The following ARFGAP3 variants were observed in gnomAD, a reference collection of about 807,000 sequenced individuals.
ARFGAP3 encodes ARF GTPase activating protein 3.
Under a neutral mutation model 75.0 loss-of-function variants are expected in ARFGAP3, and 72 were observed. The observed-to-expected ratio is 0.96, with a 90% CI of 0.79 to 1.17. The LOEUF is 1.17. Ranked by LOEUF, ARFGAP3 falls within the 50% of genes most tolerant of loss-of-function variation. ARFGAP3 has a pLI of 0.00. For missense variants in ARFGAP3, 620 were observed against 626.6 expected, an observed-to-expected ratio of 0.99 and a Z score of 0.11; for synonymous variants, 221 against 217.9, an observed-to-expected ratio of 1.01 and a Z score of -0.13.
chr22:42,819,986 C>A (rs2146544514), intron 9 of ARFGAP3, among the ~76,000 whole-genome samples: 1 of 152,254 alleles, frequency 6.6e-6, no homozygotes, highest in East Asian at 1.9e-4. Context: ...ATTAAACACT[C>A]CTAATGAAAG....
At position 42,817,050 on chromosome 22, in the gene ARFGAP3, T is replaced by C. The variant is rs902132742; in HGVS notation, c.1064+92A>G. 9 of 926,454 alleles carry C rather than the reference T, an allele frequency of 9.7e-6. No homozygotes were observed. The African/African-American group carries it at 1.0e-4, about 10-fold the overall frequency. The allele number at this position is 926,454 out of a possible 1,614,324, so 57.4% of individuals were successfully genotyped here. A position where few individuals can be genotyped will look rare whatever the true frequency, so the allele number is the denominator to read the frequency against. ...TTTAAAAACAGTGAAGTAAATTGAT[T>C]TGTAATTTCTCCTAATGCAAATAAA... On this transcript the variant is annotated intron_variant, in intron 11 of 15. Coordinates refer to ENST00000263245, the MANE Select transcript of ARFGAP3 (RefSeq NM_014570.5).
rs1041578820 is a variant in ARFGAP3 at position 42,837,650 on chromosome 22, G to A, written c.262-2157C>T. Reference sequence around the variant, plus strand: ...AAAAAAAAAAAAAAACCAAAAAAAAGCCTTGAAACATCTAAGGCATACTTC... The same window carrying A: ...AAAAAAAAAAAAAAACCAAAAAAAAACCTTGAAACATCTAAGGCATACTTC... On this transcript the variant is annotated intron_variant, in intron 3 of 15. Transcript: ENST00000263245. 8.5e-4 allele frequency among the ~76,000 whole-genome samples: 98 copies of A among 115,066 alleles called. 1 individual carries two copies. In the East Asian group the frequency reaches 0.025, roughly 29 times the overall value. The allele number at this position is 115,066 out of a possible 152,430, so 75.5% of individuals were successfully genotyped here.
intron 11 of ARFGAP3, among the ~76,000 whole-genome samples, chr22:42,816,072 C>G (rs1241545551): frequency 6.6e-6 from 1 of 152,202 alleles, no homozygotes; most frequent in East Asian, 1.9e-4. Context: ...CGAGATCATG[C>G]TACTGTACTC....
chr22:42,851,050 T>C (rs1308850300), intron 1 of ARFGAP3, among the ~76,000 whole-genome samples: 1 of 152,254 alleles, frequency 6.6e-6, no homozygotes, highest in Non-Finnish European at 1.5e-5. Flanking sequence ...CAAAAGGTGC[T>C]GTTCTTCCCC....
In ARFGAP3 at chr22:42,797,522, T is replaced by G; in HGVS notation, c.*66A>C. ...AAACTATCTGGACTTCACTGCCGCC[T>G]GAGATGTGGTTACTTGTTCATTTAA... On this transcript the variant is annotated 3_prime_UTR_variant, in exon 16 of 16. Transcript: ENST00000263245. The G allele has an allele frequency of 1.2e-4, 194 of 1,590,538 alleles. No individual in the cohort carries two copies. Among genetic ancestry groups the G allele is most frequent in the Non-Finnish European group, 1.6e-4 (180 of 1,158,744 alleles).
intron 1 of ARFGAP3, among the ~76,000 whole-genome samples, chr22:42,848,858 A>G (rs1052826409): frequency 1.3e-5 from 2 of 152,172 alleles, no homozygotes; most frequent in Admixed American, 6.5e-5. Flanking sequence ...CTGTGTGTCT[A>G]TGTGTATATG....
chr22:42,823,037 G>A (rs532511555), intron 8 of ARFGAP3, among the ~76,000 whole-genome samples: 5 of 152,022 alleles, frequency 3.3e-5, no homozygotes, highest in South Asian at 4.2e-4. Flanking sequence ...CTTGAACTCC[G>A]GGGCTCAAGT....
At chr22:42,824,793 C>G (rs1181349950) in intron 7 of ARFGAP3, among the ~76,000 whole-genome samples, 4 of 151,932 alleles carry the variant, frequency 2.6e-5, no homozygotes, top group Admixed American at 6.6e-5. Flanking sequence ...ATCACCCAGA[C>G]AGTGAGCACA....
intron 4 of ARFGAP3, 135 bp downstream of exon 4, chr22:42,835,227 T>G (rs1926465670): frequency 1.0e-6 from 1 of 964,242 alleles, no homozygotes; most frequent in Non-Finnish European, 1.5e-6. Context: ...ACTACTTCAA[T>G]AGTAAGAATC....
At position 42,817,162 on chromosome 22, in the gene ARFGAP3, T is replaced by C. The variant is rs774232481; in HGVS notation, c.1044A>G (p.Ser348=). ...RKKYNDDSDD[S]YFTSSSSYFD... ...AGTACCTTGAGCTGGAAGTAAAATA[T>C]GAATCGTCACTGTCATCATTATACT... Residue 348 remains serine (S), a synonymous_variant, in exon 11 of 16, where the codon TCA becomes TCG. Coordinates refer to ENST00000263245, the MANE Select transcript of ARFGAP3 (RefSeq NM_014570.5). 7.4e-6 allele frequency: 12 copies of C among 1,612,450 alleles called. No homozygotes were observed. Among genetic ancestry groups the C allele is most frequent in the South Asian group, 2.2e-5 (2 of 91,014 alleles).
rs1602082992 is a variant in ARFGAP3, at chr22:42,797,028, T to G, written c.*560A>C. Reference sequence around the variant, plus strand: ...TGAAAAACATTTTTAAATTTATAGGTCATATAAAATAATTTACAAAGAGAC... The same window carrying G: ...TGAAAAACATTTTTAAATTTATAGGGCATATAAAATAATTTACAAAGAGAC... On this transcript the variant is annotated 3_prime_UTR_variant, in exon 16 of 16. Coordinates refer to ENST00000263245, the MANE Select transcript of ARFGAP3 (RefSeq NM_014570.5). The G allele has an allele frequency of 6.6e-6, 1 of 152,324 alleles. No homozygotes were observed. Among genetic ancestry groups the G allele is most frequent in the East Asian group, 1.9e-4 (1 of 5,204 alleles). The allele number at this position is 152,324 out of a possible 1,614,324, so 9.4% of individuals were successfully genotyped here.
intron 1 of ARFGAP3, among the ~76,000 whole-genome samples, chr22:42,848,487 C>A (rs909264805): frequency 1.3e-5 from 2 of 152,206 alleles, no homozygotes; most frequent in African/African-American, 4.8e-5. Flanking sequence ...GGATTACAGG[C>A]GTGAGCCACC....
intron 12 of ARFGAP3, among the ~76,000 whole-genome samples, chr22:42,809,326 CAT>C (rs1925261277): frequency 6.6e-6 from 1 of 152,282 alleles, no homozygotes; most frequent in South Asian, 2.1e-4. Flanking sequence ...AAAATAAATT[CAT>C]TCATAATCAC....
chr22:42,840,832 A>G (rs939265345), intron 3 of ARFGAP3, 112 bp downstream of exon 3: 3 of 1,142,850 alleles, frequency 2.6e-6, no homozygotes, highest in Non-Finnish European at 1.2e-6. Context: ...CAGCCTCCCA[A>G]ATGGCTGAGA....
intron 3 of ARFGAP3, among the ~76,000 whole-genome samples, chr22:42,837,697 T>TTTTTTTTTTTTTTTTTTA: frequency 7.1e-6 from 1 of 141,194 alleles, no homozygotes; most frequent in Non-Finnish European, 1.5e-5. Context: ...TTTTTTTTTT[T>TTTTTTTTTTTTTTTTTTA]GAGACGGTCT....
intron 6 of ARFGAP3, among the ~76,000 whole-genome samples, chr22:42,828,705 A>C (rs1454495838): frequency 9.9e-6 from 1 of 100,992 alleles, no homozygotes; most frequent in Non-Finnish European, 1.9e-5. Flanking sequence ...TTTTTTTCTG[A>C]GACAGAGTCC....
intron 1 of ARFGAP3, among the ~76,000 whole-genome samples, chr22:42,852,626 G>T (rs1056354171): frequency 2.0e-5 from 3 of 152,110 alleles, no homozygotes; most frequent in Admixed American, 2.0e-4. Context: ...CTCCCAAAGT[G>T]CTAGGATTAC....
chr22:42,841,119 G>T (rs1926762670), intron 2 of ARFGAP3, 103 bp from the exon 3 acceptor site: 6 of 1,486,828 alleles, frequency 4.0e-6, no homozygotes, highest in Non-Finnish European at 5.3e-6. Flanking sequence ...GGATCCTAAA[G>T]AATTCTAAGT....
At chr22:42,799,253 C>G in intron 14 of ARFGAP3, 93 bp from the exon 15 acceptor site, 1 of 1,556,002 alleles carries the variant, frequency 6.4e-7, no homozygotes, top group Non-Finnish European at 8.7e-7. Flanking sequence ...CCAGAGAACC[C>G]GGATCTCTCC....
Sources: gnomAD v4.1 joint callset for allele counts (sites outside exome capture counted in the v4.1 genomes callset) on GRCh38, gnomAD v4.1.1 for gene constraint, MANE v1.5 for transcripts, NCBI Gene and HGNC (gene_info 2026-07-23, HGNC 2026-07-21) for gene names.